XRCC4: variants seen among roughly 807,000 people sequenced by gnomAD.
The protein encoded by XRCC4 is X-ray repair cross complementing 4.
A neutral mutation model predicts 39.1 loss-of-function variants in XRCC4; 28 were observed. That is an observed-to-expected ratio of 0.72 (90% CI 0.53 to 0.98). XRCC4 has a LOEUF of 0.98. Ranked by LOEUF, XRCC4 falls within the 50% of genes least tolerant of loss-of-function variation. The pLI is 0.00. For synonymous variants in XRCC4, 123 were observed against 126.4 expected, an observed-to-expected ratio of 0.97 and a Z score of 0.18; for missense variants, 350 against 376.4, an observed-to-expected ratio of 0.93 and a Z score of 0.58.
chr5:83,168,975 T>C (rs926661732), intron 3 of XRCC4, among the ~76,000 whole-genome samples: 2 of 152,272 alleles, frequency 1.3e-5, no homozygotes, highest in Admixed American at 6.5e-5. Flanking sequence ...AGCTCCTAGA[T>C]GACCAAAATA....
At chr5:83,254,163 AT>A (rs1178160287) in intron 6 of XRCC4, among the ~76,000 whole-genome samples, 2 of 151,862 alleles carry the variant, frequency 1.3e-5, no homozygotes, top group African/African-American at 2.4e-5. Flanking sequence ...ACAAAAAAAA[AT>A]GATTGCAATA....
At chr5:83,162,337 TAACTGAATAACTA>T (rs1314926068) in intron 3 of XRCC4, among the ~76,000 whole-genome samples, 1 of 152,202 alleles carries the variant, frequency 6.6e-6, no homozygotes, top group Non-Finnish European at 1.5e-5. Context: ...TTGTCATTTT[TAACTGAATAACTA>T]AACTTATTAA....
intron 1 of XRCC4, among the ~76,000 whole-genome samples, chr5:83,085,458 T>A (rs1745138524): frequency 7.2e-6 from 1 of 138,936 alleles, no homozygotes; most frequent in Non-Finnish European, 1.5e-5. Context: ...ACTTAAAAAG[T>A]TAAAGTTTAA....
At chr5:83,147,812 A>G (rs1748530958) in intron 3 of XRCC4, among the ~76,000 whole-genome samples, 1 of 149,778 alleles carries the variant, frequency 6.7e-6, no homozygotes, top group Admixed American at 6.6e-5. Context: ...TTTTTTTGAC[A>G]CACAGTTTAA....
At chr5:83,202,423 AAT>A (rs760379478) in intron 4 of XRCC4, among the ~76,000 whole-genome samples, 27 of 152,296 alleles carry the variant, frequency 1.8e-4, no homozygotes, top group South Asian at 1.2e-3. Flanking sequence ...GGTCCCAGAG[AAT>A]ATATTGCCAT....
At chr5:83,344,565 T>C (rs1010630752) in intron 7 of XRCC4, among the ~76,000 whole-genome samples, 1 of 152,038 alleles carries the variant, frequency 6.6e-6, no homozygotes, top group African/African-American at 2.4e-5. Flanking sequence ...CTTGCTCTTT[T>C]GCTCAACATT....
At chr5:83,286,517 A>G (rs995759751) in intron 7 of XRCC4, among the ~76,000 whole-genome samples, 2 of 152,142 alleles carry the variant, frequency 1.3e-5, no homozygotes, top group Admixed American at 1.3e-4. Context: ...AAACTCAAAT[A>G]GGAGTTAATG....
intron 7 of XRCC4, among the ~76,000 whole-genome samples, chr5:83,285,280 G>A (rs1344582522): frequency 6.6e-6 from 1 of 152,242 alleles, no homozygotes. Flanking sequence ...GGTTATCTCT[G>A]GGGTATGTGG....
intron 4 of XRCC4, among the ~76,000 whole-genome samples, chr5:83,198,767 A>G (rs1249583006): frequency 6.6e-6 from 1 of 152,130 alleles, no homozygotes; most frequent in Non-Finnish European, 1.5e-5. Flanking sequence ...TTTAACATAT[A>G]TATTTGCTGT....
chr5:83,215,751 C>T (rs1366242080), intron 6 of XRCC4, among the ~76,000 whole-genome samples: 1 of 152,140 alleles, frequency 6.6e-6, no homozygotes, highest in South Asian at 2.1e-4. Flanking sequence ...ACAAACAGTG[C>T]TTGGACAATT....
intron 3 of XRCC4, among the ~76,000 whole-genome samples, chr5:83,148,834 G>A (rs908931087): frequency 3.3e-5 from 5 of 151,748 alleles, no homozygotes; most frequent in African/African-American, 1.2e-4. Context: ...AAGTAATACT[G>A]TTATAATGAA....
intron 7 of XRCC4, among the ~76,000 whole-genome samples, chr5:83,303,212 C>CAA (rs760220069): frequency 1.1e-3 from 68 of 62,376 alleles, no homozygotes; most frequent in Non-Finnish European, 1.5e-3. Flanking sequence ...GACTCCGTCT[C>CAA]AAAAAAAAAA....
intron 3 of XRCC4, among the ~76,000 whole-genome samples, chr5:83,137,481 T>C (rs1747954844): frequency 6.6e-6 from 1 of 152,208 alleles, no homozygotes; most frequent in African/African-American, 2.4e-5. Context: ...TATAGTCTTA[T>C]ATTTCAAAAT....
intron 3 of XRCC4, among the ~76,000 whole-genome samples, chr5:83,136,393 A>G (rs1362054895): frequency 6.6e-6 from 1 of 152,166 alleles, no homozygotes; most frequent in Non-Finnish European, 1.5e-5. Context: ...CCATTGCTTC[A>G]TTCCATGCAC....
chr5:83,179,517 C>T (rs979687695), intron 3 of XRCC4, among the ~76,000 whole-genome samples: 4 of 152,076 alleles, frequency 2.6e-5, no homozygotes, highest in African/African-American at 7.2e-5. Flanking sequence ...TGTAAACAGT[C>T]GTTAGTTTTC....
intron 7 of XRCC4, chr5:83,280,569 G>A (rs567291914): frequency 1.4e-5 from 7 of 497,518 alleles, no homozygotes; most frequent in Admixed American, 6.4e-5. Context: ...CCCACACTCC[G>A]ACCACTGTAG....
intron 1 of XRCC4, among the ~76,000 whole-genome samples, chr5:83,095,266 C>G (rs1028313737): frequency 6.6e-6 from 1 of 152,132 alleles, no homozygotes; most frequent in Non-Finnish European, 1.5e-5. Flanking sequence ...TCAGGCCGAG[C>G]TGCTGAATGG....
chr5:83,323,631 G>T (rs929716165), intron 7 of XRCC4, among the ~76,000 whole-genome samples: 2 of 151,152 alleles, frequency 1.3e-5, no homozygotes, highest in Non-Finnish European at 2.9e-5. Context: ...GATGTTTTTG[G>T]CCAAGTGCAA....
In XRCC4 at chr5:83,138,782, A is replaced by G. The variant is rs918736482; in HGVS notation, c.315+27579A>G. The stretch of plus-strand genomic sequence containing the variant: ...TGATATTTTTAGCTACAAATGATTC[A>G]ACAGCAGTTCAGTAGTGGGGAATTG... On this transcript the variant is annotated intron_variant, in intron 3 of 7. Coordinates refer to ENST00000396027, the MANE Select transcript of XRCC4 (RefSeq NM_003401.5). 9.2e-5 allele frequency among the ~76,000 whole-genome samples: 14 copies of G among 152,260 alleles called. No homozygotes were observed. The East Asian group carries it at 2.7e-3, about 29-fold the overall frequency.
Sources: gnomAD v4.1 joint callset for allele counts (sites outside exome capture counted in the v4.1 genomes callset) on GRCh38, gnomAD v4.1.1 for gene constraint, MANE v1.5 for transcripts, NCBI Gene and HGNC (gene_info 2026-07-23, HGNC 2026-07-21) for gene names.